IFT140: variants seen among roughly 807,000 people sequenced by gnomAD.
IFT140 encodes intraflagellar transport 140.
In IFT140, 133 loss-of-function variants were observed where a neutral mutation model predicts 164.6. The observed-to-expected ratio is 0.81, with a 90% CI of 0.70 to 0.93. The LOEUF (loss-of-function observed/expected upper bound fraction) is 0.93. IFT140 is among the 40% of genes least tolerant of loss of function. IFT140 has a pLI of 0.00. For synonymous variants in IFT140, 860 were observed against 817.3 expected (o/e 1.05, Z -0.89); for missense variants, 2,045 against 1,972.3 (o/e 1.04, Z -0.70).
chr16:1,528,141 T>C (rs2029925196), intron 19 of IFT140, among the ~76,000 whole-genome samples: 1 of 152,092 alleles, frequency 6.6e-6, no homozygotes, highest in South Asian at 2.1e-4. Flanking sequence ...CGGGCTGGCC[T>C]GCGGCTTCAG....
intron 10 of IFT140, among the ~76,000 whole-genome samples, chr16:1,585,916 G>A (rs189049206): frequency 4.6e-5 from 7 of 151,846 alleles, no homozygotes; most frequent in African/African-American, 9.7e-5. Flanking sequence ...GGCTACAGGC[G>A]CCCGCCACCA....
At chr16:1,554,939 G>T (rs2032967789) in intron 19 of IFT140, 1 of 1,614,030 alleles carries the variant, frequency 6.2e-7, no homozygotes, top group Non-Finnish European at 8.5e-7. Context: ...AGGACTGCAT[G>T]GCCCCCCGGG....
Position 1,553,673 on chromosome 16 carries a change from G to T in IFT140, c.2399+4262C>A. ...GGGGTGCTGGGTGGGCAGAAGCGGG[G>T]CTGGGGCTGAAGGCTGGCTGGAGGC... On this transcript the variant is annotated intron_variant, in intron 19 of 30. Coordinates refer to ENST00000426508, the MANE Select transcript of IFT140 (RefSeq NM_014714.4). The surrounding 1 kb of genome is among the most constrained non-coding windows in gnomAD (Gnocchi z 4.4). 9.3e-7 allele frequency: 1 copy of T among 1,072,698 alleles called. No individual in the cohort carries two copies. Among genetic ancestry groups the T allele is most frequent in the African/African-American group, 1.6e-5 (1 of 60,700 alleles). 66.4% of individuals were successfully genotyped at this position (1,072,698 alleles called of 1,614,324 possible).
At chr16:1,524,230 G>T in intron 24 of IFT140, 1 of 605,412 alleles carries the variant, frequency 1.7e-6, no homozygotes, top group Non-Finnish European at 2.9e-6. Context: ...ACATTTGTGT[G>T]GTGCAGAACG....
chr16:1,551,412 T>A lies in IFT140; in HGVS notation c.2399+6523A>T, dbSNP rs917826579. On this transcript the variant is annotated intron_variant, in intron 19 of 30. Coordinates refer to ENST00000426508, the MANE Select transcript of IFT140 (RefSeq NM_014714.4). The surrounding 1 kb of genome is among the most constrained non-coding windows in gnomAD (Gnocchi z 4.0). ...AGAAGCCCAGAGTAGGTGGACCCAG[T>A]GACTGAGAGGGGTGGAAAGGGCCAC... Among the ~76,000 whole-genome samples the A allele has an allele frequency of 2.0e-5, 3 of 151,678 alleles. No homozygotes were observed. The highest frequency in any genetic ancestry group is 4.4e-5 in the Non-Finnish European group (3 of 67,876).
chr16:1,523,732 C>T (rs767827633), intron 25 of IFT140, 32 bp from the exon 26 acceptor site: 79 of 1,607,166 alleles, frequency 4.9e-5, no homozygotes, highest in Non-Finnish European at 5.6e-5. Context: ...AGCAGCTGCC[C>T]GAGGCCTGGG....
intron 2 of IFT140, among the ~76,000 whole-genome samples, chr16:1,608,221 T>A (rs950745246): frequency 1.3e-5 from 2 of 152,204 alleles, no homozygotes; most frequent in Admixed American, 6.5e-5. Flanking sequence ...ACATCGTCCC[T>A]TTTCAGGCGG....
intron 18 of IFT140, among the ~76,000 whole-genome samples, chr16:1,560,607 C>T (rs1004825304): frequency 2.6e-5 from 4 of 152,186 alleles, no homozygotes; most frequent in Non-Finnish European, 5.9e-5. Context: ...GGTGCAGTAG[C>T]ATCTGTGTTG....
chr16:1,587,361 G>T, intron 8 of IFT140, 57 bp from the exon 9 acceptor site: 1 of 1,124,600 alleles, frequency 8.9e-7, no homozygotes, highest in South Asian at 1.3e-5. Flanking sequence ...GTTTCCCTCT[G>T]AGGGGTTTTT....
chr16:1,576,980 C>T (rs1197633488), intron 13 of IFT140: 2 of 152,144 alleles, frequency 1.3e-5, no homozygotes, highest in Non-Finnish European at 2.9e-5. Context: ...TAATCACCTC[C>T]GAGTGGGCAG....
intron 18 of IFT140, 92 bp from the exon 19 acceptor site, chr16:1,558,226 G>C (rs1191213995): frequency 1.6e-6 from 2 of 1,245,950 alleles, no homozygotes; most frequent in Non-Finnish European, 1.2e-6. Flanking sequence ...CTCCCTTATG[G>C]GGGAGAAATC....
At chr16:1,570,623 G>A (rs1055157506) in intron 14 of IFT140, among the ~76,000 whole-genome samples, 3 of 152,086 alleles carry the variant, frequency 2.0e-5, no homozygotes, top group African/African-American at 7.2e-5. Flanking sequence ...GCTCGCCAGG[G>A]CCTCCCCTCA....
intron 19 of IFT140, among the ~76,000 whole-genome samples, chr16:1,552,410 C>G (rs1432016528): frequency 6.6e-6 from 1 of 152,252 alleles, no homozygotes; most frequent in East Asian, 1.9e-4. Context: ...TCCAGGACCA[C>G]CTCCTCTGAG....
intron 4 of IFT140, among the ~76,000 whole-genome samples, chr16:1,598,880 C>G: frequency 6.7e-6 from 1 of 149,536 alleles, no homozygotes; most frequent in Non-Finnish European, 1.5e-5. Context: ...CGCCCATCGT[C>G]TGGGATGTGA....
In IFT140 at chr16:1,534,593, C is replaced by T. The variant is rs528905715; in HGVS notation, c.2400-7797G>A. The T allele has an allele frequency of 1.4e-5, 23 of 1,595,778 alleles. No homozygotes were observed. The East Asian group carries it at 2.0e-4, about 14-fold the overall frequency. On this transcript the variant is annotated intron_variant, in intron 19 of 30. Coordinates refer to ENST00000426508, the MANE Select transcript of IFT140 (RefSeq NM_014714.4). ...GTTTTCCTGATGCCTTCAGCGTGGCCGAGGCTCGAGGGCACATGGGAGATG... is the reference window on the plus strand; with the variant it reads ...GTTTTCCTGATGCCTTCAGCGTGGCTGAGGCTCGAGGGCACATGGGAGATG...
At position 1,551,517 on chromosome 16, in the gene IFT140, G is replaced by A. The variant is rs1372885019; in HGVS notation, c.2399+6418C>T. On this transcript the variant is annotated intron_variant, in intron 19 of 30. Coordinates refer to ENST00000426508, the MANE Select transcript of IFT140 (RefSeq NM_014714.4). The surrounding 1 kb of genome is among the most constrained non-coding windows in gnomAD (Gnocchi z 4.0). ...GATGGGAGCCACAAGGGTGCTGAGT[G>A]CTGGGGAGACAGGATGTGAGTTTCA... 6.6e-6 allele frequency among the ~76,000 whole-genome samples: 1 copy of A among 152,222 alleles called. No individual in the cohort carries two copies. Among genetic ancestry groups the A allele is most frequent in the Non-Finnish European group, 1.5e-5 (1 of 68,028 alleles).
chr16:1,593,401 T>G (rs2035292772), intron 4 of IFT140, among the ~76,000 whole-genome samples: 1 of 151,530 alleles, frequency 6.6e-6, no homozygotes, highest in Non-Finnish European at 1.5e-5. Context: ...AACCTCCGCC[T>G]CCTGGGTTCA....
At chr16:1,600,970 T>TAAAAAA (rs1204562397) in intron 4 of IFT140, among the ~76,000 whole-genome samples, 1 of 151,260 alleles carries the variant, frequency 6.6e-6, no homozygotes, top group East Asian at 1.9e-4. Flanking sequence ...TGTTCTTGAT[T>TAAAAAA]AAAAAAAACT....
chr16:1,531,618 G>A lies in IFT140; in HGVS notation c.2400-4822C>T, dbSNP rs1175583646. On this transcript the variant is annotated intron_variant, in intron 19 of 30. Transcript: ENST00000426508. The surrounding 1 kb of genome is among the most constrained non-coding windows in gnomAD (Gnocchi z 4.7). ...TGGGAGTCACCCCCCGAGAGCCACA[G>A]ATCCTCCCAGGAGGGTCGCTCTTAA... 2 of 152,318 alleles carry A rather than the reference G, an allele frequency of 1.3e-5. No homozygotes were observed. The highest frequency in any genetic ancestry group is 4.8e-5 in the African/African-American group (2 of 41,452). The allele number at this position is 152,318 out of a possible 1,614,324, so 9.4% of individuals were successfully genotyped here. A position where few individuals can be genotyped will look rare whatever the true frequency, so the allele number is the denominator to read the frequency against.
Sources: gnomAD v4.1 joint callset for allele counts (sites outside exome capture counted in the v4.1 genomes callset) on GRCh38, gnomAD v4.1.1 for gene constraint, Gnocchi (gnomAD v3.1) non-coding constraint, MANE v1.5 for transcripts, NCBI Gene and HGNC (gene_info 2026-07-23, HGNC 2026-07-21) for gene names.